Variants in HPSE2 observed in about 807,000 individuals in gnomAD.
HPSE2 encodes the protein inactive heparanase-2.
Under a neutral mutation model 60.5 loss-of-function variants are expected in HPSE2, and 38 were observed. That is an observed-to-expected ratio of 0.63 (90% CI 0.48 to 0.82). The LOEUF (loss-of-function observed/expected upper bound fraction) is 0.82. Ranked by LOEUF, HPSE2 falls within the 40% of genes least tolerant of loss-of-function variation. The probability of loss-of-function intolerance (pLI) is 0.00; values close to 1 mark genes in which losing one functional copy is unlikely to be tolerated. For synonymous variants in HPSE2, 295 were observed against 293.2 expected (o/e 1.01, Z -0.06); for missense variants, 713 against 740.4 (o/e 0.96, Z 0.43).
At chr10:98,744,577 C>G (rs1376945653) in intron 3 of HPSE2, among the ~76,000 whole-genome samples, 1 of 151,938 alleles carries the variant, frequency 6.6e-6, no homozygotes, top group African/African-American at 2.4e-5. Flanking sequence ...AAACAAGCAG[C>G]AGAGAGAATT....
At chr10:99,235,458 C>T in intron 1 of HPSE2, 55 bp downstream of exon 1, 3 of 1,505,618 alleles carry the variant, frequency 2.0e-6, no homozygotes, top group East Asian at 2.3e-5. Flanking sequence ...ATAGGAAGGG[C>T]TTGAGGGGGT....
At chr10:98,865,336 C>T (rs151338639) in intron 3 of HPSE2, among the ~76,000 whole-genome samples, 7 of 151,942 alleles carry the variant, frequency 4.6e-5, no homozygotes, top group Admixed American at 3.9e-4. Context: ...TACTTCTGGC[C>T]AAGATAAAGT....
chr10:98,858,847 G>A (rs1343264656), intron 3 of HPSE2, among the ~76,000 whole-genome samples: 1 of 152,146 alleles, frequency 6.6e-6, no homozygotes, highest in Non-Finnish European at 1.5e-5. Flanking sequence ...AGAATACATT[G>A]CACCATGGAA....
At chr10:98,710,865 A>G (rs1276875758) in intron 5 of HPSE2, among the ~76,000 whole-genome samples, 1 of 152,024 alleles carries the variant, frequency 6.6e-6, no homozygotes, top group Admixed American at 6.6e-5. Context: ...TTATCTCACA[A>G]TTGGCCTAAG....
At chr10:99,046,329 C>T (rs1396602136) in intron 3 of HPSE2, among the ~76,000 whole-genome samples, 1 of 151,922 alleles carries the variant, frequency 6.6e-6, no homozygotes, top group African/African-American at 2.4e-5. Flanking sequence ...AAGGAACATA[C>T]CTCAAAATAG....
At chr10:99,040,357 A>T (rs1334693614) in intron 3 of HPSE2, among the ~76,000 whole-genome samples, 1 of 152,170 alleles carries the variant, frequency 6.6e-6, no homozygotes, top group Admixed American at 6.5e-5. Flanking sequence ...TAATATACTC[A>T]TGGTACTTTT....
intron 3 of HPSE2, among the ~76,000 whole-genome samples, chr10:99,050,396 A>G (rs918251254): frequency 6.6e-5 from 10 of 152,208 alleles, no homozygotes; most frequent in African/African-American, 2.4e-4. Context: ...GGGAATATAA[A>G]TTGATACAGC....
the HPSE2 span, among the ~76,000 whole-genome samples, chr10:99,244,162 C>T: frequency 9.9e-5 from 15 of 151,008 alleles, no homozygotes; most frequent in Non-Finnish European, 2.1e-4. Context: ...GGACTACAAG[C>T]GCCCGCCACC....
At chr10:99,246,385 AT>A in the HPSE2 span, among the ~76,000 whole-genome samples, 11 of 152,326 alleles carry the variant, frequency 7.2e-5, no homozygotes, top group Admixed American at 7.2e-4. Flanking sequence ...TAACAAATCC[AT>A]TTGATAAGTG....
the HPSE2 span, among the ~76,000 whole-genome samples, chr10:99,270,766 G>A: frequency 1.3e-5 from 2 of 152,132 alleles, no homozygotes; most frequent in African/African-American, 4.8e-5. Flanking sequence ...ATCCAACAGT[G>A]TATCAAAAAG....
At chr10:99,147,090 G>A (rs977183267) in intron 2 of HPSE2, among the ~76,000 whole-genome samples, 1 of 152,084 alleles carries the variant, frequency 6.6e-6, no homozygotes, top group Non-Finnish European at 1.5e-5. Context: ...AAATGATAAA[G>A]AACACTATTA....
chr10:99,039,716 A>T (rs1957693615), intron 3 of HPSE2, among the ~76,000 whole-genome samples: 1 of 151,956 alleles, frequency 6.6e-6, no homozygotes. Flanking sequence ...ATTGCAATGG[A>T]TTATAGGTCC....
At chr10:99,087,228 C>T (rs752164372) in intron 3 of HPSE2, among the ~76,000 whole-genome samples, 4 of 152,134 alleles carry the variant, frequency 2.6e-5, no homozygotes, top group Non-Finnish European at 4.4e-5. Context: ...TAGTAATGGG[C>T]GGGGCCCATA....
chr10:98,809,302 T>C (rs1163696237), intron 3 of HPSE2, among the ~76,000 whole-genome samples: 2 of 152,118 alleles, frequency 1.3e-5, no homozygotes, highest in Non-Finnish European at 2.9e-5. Context: ...GTTCATTATA[T>C]AATTCTCTCT....
chr10:98,479,309 C>G (rs1189091982), intron 11 of HPSE2, among the ~76,000 whole-genome samples: 1 of 152,140 alleles, frequency 6.6e-6, no homozygotes, highest in Non-Finnish European at 1.5e-5. Context: ...ACTTTCTATC[C>G]CCTTCTGAGC....
intron 3 of HPSE2, among the ~76,000 whole-genome samples, chr10:99,130,054 C>G (rs1382871803): frequency 6.6e-6 from 1 of 151,946 alleles, no homozygotes; most frequent in Non-Finnish European, 1.5e-5. Context: ...TCCTGGAAGT[C>G]TACAACCCTC....
intron 3 of HPSE2, among the ~76,000 whole-genome samples, chr10:98,769,286 C>G (rs1387973901): frequency 2.0e-5 from 3 of 152,112 alleles, no homozygotes; most frequent in Admixed American, 1.3e-4. Flanking sequence ...CACCCTCTTT[C>G]CATATATGTG....
chr10:99,166,883 C>T (rs1055280030), intron 2 of HPSE2, among the ~76,000 whole-genome samples: 105 of 150,850 alleles, frequency 7.0e-4, no homozygotes, highest in Non-Finnish European at 1.4e-3. Flanking sequence ...TAGTCTGTGG[C>T]TTCACTTTTT....
rs149715687 is a variant in HPSE2, at chr10:98,763,698, T to C, written c.611-19642A>G. On this transcript the variant is annotated intron_variant, in intron 3 of 11. Coordinates refer to ENST00000370552, the MANE Select transcript of HPSE2 (RefSeq NM_021828.5). Reference sequence around the variant, plus strand: ...ATGGAGATCAGAAGAAAGTGAAATATCTTCAAAGTGCTGAAAAAGAAAAGA... The same window carrying C: ...ATGGAGATCAGAAGAAAGTGAAATACCTTCAAAGTGCTGAAAAAGAAAAGA... Among the ~76,000 whole-genome samples, 4 of 151,640 alleles carry C rather than the reference T, an allele frequency of 2.6e-5. No homozygotes were observed. The East Asian group carries it at 7.7e-4, about 29-fold the overall frequency.
Sources: gnomAD v4.1 joint callset for allele counts (sites outside exome capture counted in the v4.1 genomes callset) on GRCh38, gnomAD v4.1.1 for gene constraint, MANE v1.5 for transcripts, NCBI Gene and HGNC (gene_info 2026-07-23, HGNC 2026-07-21) for gene names.